COL4A6: variants seen among roughly 807,000 people sequenced by gnomAD.
The protein encoded by COL4A6 is collagen type IV alpha 6 chain, also known as collagen alpha-6(IV) chain.
A neutral mutation model predicts 126.7 loss-of-function variants in COL4A6; 59 were observed. That is an observed-to-expected ratio of 0.47 (90% CI 0.38 to 0.58). The LOEUF (loss-of-function observed/expected upper bound fraction) is 0.58. Ranked by LOEUF, COL4A6 falls within the 20% of genes least tolerant of loss-of-function variation. The probability of loss-of-function intolerance (pLI) is 0.00; values close to 1 mark genes in which losing one functional copy is unlikely to be tolerated. For missense variants in COL4A6, 1,285 were observed against 1,337.3 expected, an observed-to-expected ratio of 0.96 and a Z score of 0.61; for synonymous variants, 547 against 496.6, an observed-to-expected ratio of 1.10 and a Z score of -1.35.
At position 108,318,380 on chromosome X, in the gene COL4A6, T is replaced by C. The variant is rs1400095877; in HGVS notation, c.64-7552A>G. On this transcript the variant is annotated intron_variant, in intron 2 of 44. Transcript: ENST00000334504. ...TGTTGGAAGTTCTGGCCAGGGCGAT[T>C]AGGCAGGAGAAGGAAATAAATGGTA... Among the ~76,000 whole-genome samples the C allele has an allele frequency of 1.3e-4, 15 of 111,386 alleles. No homozygotes were observed. In the East Asian group the frequency reaches 2.5e-3, roughly 19 times the overall value.
rs762303701 is a variant in COL4A6 at position 108,157,407 on chromosome X, C to A, written c.4813-147G>T. ...TCAGCCCCCAGTTCAAGCCAGCATA[C>A]CAAGAGCTGTGTTTTAGGGGCAGGG... On this transcript the variant is annotated intron_variant, in intron 44 of 44. Transcript: ENST00000334504. 3 of 883,091 alleles carry A rather than the reference C, an allele frequency of 3.4e-6. No individual in the cohort carries two copies. In the African/African-American group the frequency reaches 6.1e-5, roughly 18 times the overall value. The allele number at this position is 883,091 out of a possible 1,213,427, so 72.8% of individuals were successfully genotyped here.
intron 2 of COL4A6, among the ~76,000 whole-genome samples, chrX:108,334,062 G>A (rs2039373892): frequency 8.9e-6 from 1 of 111,743 alleles, no homozygotes; most frequent in Non-Finnish European, 1.9e-5. Flanking sequence ...AAATTCATAT[G>A]GAACCATAAA....
chrX:108,406,276 A>C (rs2041204795), intron 2 of COL4A6, among the ~76,000 whole-genome samples: 1 of 111,771 alleles, frequency 8.9e-6, no homozygotes, highest in Non-Finnish European at 1.9e-5. Flanking sequence ...AAGCCCATGA[A>C]TCTGTTTTTT....
chrX:108,319,447 A>C (rs1482155739), intron 2 of COL4A6, among the ~76,000 whole-genome samples: 2 of 112,229 alleles, frequency 1.8e-5, no homozygotes, highest in Non-Finnish European at 3.8e-5. Flanking sequence ...TAAGCACTGA[A>C]GCATGTCAGT....
At chrX:108,305,141 C>A (rs185335778) in intron 3 of COL4A6, among the ~76,000 whole-genome samples, 31 of 111,652 alleles carry the variant, frequency 2.8e-4, no homozygotes, top group Non-Finnish European at 5.1e-4. Flanking sequence ...GAAATCTTCC[C>A]AAAGAGGTGA....
At chrX:108,244,464 C>T (rs114653617) in intron 3 of COL4A6, among the ~76,000 whole-genome samples, 1 of 111,443 alleles carries the variant, frequency 9.0e-6, no homozygotes, top group African/African-American at 3.3e-5. Context: ...CAATTCCTCA[C>T]GTCTTAGGAT....
rs184510942 is a variant in COL4A6 at position 108,190,538 on chromosome X, G to A, written c.1322-42C>T. 7.6e-5 allele frequency: 67 copies of A among 880,123 alleles called. No individual in the cohort carries two copies. The African/African-American group carries it at 9.0e-4, about 12-fold the overall frequency. 72.5% of individuals were successfully genotyped at this position (880,123 alleles called of 1,213,427 possible). A position where few individuals can be genotyped will look rare whatever the true frequency, so the allele number is the denominator to read the frequency against. On this transcript the variant is annotated intron_variant, in intron 19 of 44. Coordinates refer to ENST00000334504, the MANE Select transcript of COL4A6 (RefSeq NM_033641.4). ...GATAAAGGATTAGCAACTTGTATAA[G>A]CCTGATGACTTCCCTGACTCAACAC...
chrX:108,398,558 T>C (rs1456758262), intron 2 of COL4A6, among the ~76,000 whole-genome samples: 1 of 111,480 alleles, frequency 9.0e-6, no homozygotes, highest in Non-Finnish European at 1.9e-5. Context: ...GTGGTAGTTA[T>C]ACAGTTCTAT....
chrX:108,434,805 A>T (rs1358426290), intron 2 of COL4A6, among the ~76,000 whole-genome samples: 1 of 108,330 alleles, frequency 9.2e-6, no homozygotes, highest in East Asian at 2.8e-4. Context: ...ATACACACAT[A>T]CACACACGTA....
rs2036249635 is a variant in COL4A6, at chrX:108,229,389, G to A, written c.145-8015C>T. Among the ~76,000 whole-genome samples the A allele has an allele frequency of 5.3e-5, 6 of 112,230 alleles. No individual in the cohort carries two copies. In the Admixed American group the frequency reaches 5.7e-4, roughly 11 times the overall value. On this transcript the variant is annotated intron_variant, in intron 3 of 44. Coordinates refer to ENST00000334504, the MANE Select transcript of COL4A6 (RefSeq NM_033641.4). ...TTCATAGGGTAATTATGAAGACTAAGTAAGAAAATTCGAGTAGATCATTAT... is the reference window on the plus strand; with the variant it reads ...TTCATAGGGTAATTATGAAGACTAAATAAGAAAATTCGAGTAGATCATTAT...
chrX:108,202,881 G>T, intron 13 of COL4A6, 47 bp downstream of exon 13: 2 of 1,077,378 alleles, frequency 1.9e-6, no homozygotes, highest in African/African-American at 1.8e-5. Context: ...TACAGCTTTT[G>T]TCCAATCAGA....
At chrX:108,218,604 T>A (rs2035926454) in intron 5 of COL4A6, among the ~76,000 whole-genome samples, 1 of 112,292 alleles carries the variant, frequency 8.9e-6, no homozygotes, top group Non-Finnish European at 1.9e-5. Flanking sequence ...ATGATTCCTC[T>A]GTATACCCAA....
chrX:108,370,317 T>C (rs1376613994), intron 2 of COL4A6, among the ~76,000 whole-genome samples: 1 of 111,977 alleles, frequency 8.9e-6, no homozygotes, highest in Admixed American at 9.5e-5. Flanking sequence ...TTCAAGTACC[T>C]GGAGCTCTGC....
intron 3 of COL4A6, among the ~76,000 whole-genome samples, chrX:108,264,698 C>T (rs1377089538): frequency 9.0e-6 from 1 of 111,691 alleles, no homozygotes; most frequent in Non-Finnish European, 1.9e-5. Flanking sequence ...CCTGTTGTTT[C>T]AACAAGTGCA....
chrX:108,181,077 C>G, intron 23 of COL4A6, 109 bp from the exon 24 acceptor site: 1 of 660,169 alleles, frequency 1.5e-6, no homozygotes, highest in Non-Finnish European at 2.3e-6. Context: ...AAGCTCTTCC[C>G]ACTCAGCAGC....
intron 2 of COL4A6, among the ~76,000 whole-genome samples, chrX:108,400,298 A>G (rs950478911): frequency 3.6e-5 from 4 of 111,146 alleles, no homozygotes; most frequent in Non-Finnish European, 7.6e-5. Flanking sequence ...TTAAAATAAG[A>G]GACTTCTTTA....
intron 13 of COL4A6, among the ~76,000 whole-genome samples, chrX:108,198,887 C>T (rs756833375): frequency 6.3e-5 from 7 of 111,198 alleles, no homozygotes; most frequent in South Asian, 4.0e-4. Flanking sequence ...CTTCTCTTAT[C>T]CCTCCCCTCA....
chrX:108,270,952 G>A (rs973182296), intron 3 of COL4A6, among the ~76,000 whole-genome samples: 7 of 111,906 alleles, frequency 6.3e-5, no homozygotes, highest in African/African-American at 2.3e-4. Context: ...AGGCACTTGA[G>A]AAAAGGCAAC....
chrX:108,407,962 CT>C (rs1447557012), intron 2 of COL4A6, among the ~76,000 whole-genome samples: 3 of 111,161 alleles, frequency 2.7e-5, no homozygotes, highest in African/African-American at 6.5e-5. Flanking sequence ...TCAAACCCCC[CT>C]GAGACAGGTA....
Sources: gnomAD v4.1 joint callset for allele counts (sites outside exome capture counted in the v4.1 genomes callset) on GRCh38, gnomAD v4.1.1 for gene constraint, MANE v1.5 for transcripts, NCBI Gene and HGNC (gene_info 2026-07-23, HGNC 2026-07-21) for gene names.